Variants in EDEM2 observed in about 807,000 individuals in gnomAD.
EDEM2 encodes ER degradation-enhancing alpha-mannosidase-like protein 2.
EDEM2 carries 39 observed loss-of-function variants against 64.8 expected under a neutral mutation model. The ratio of observed to expected loss-of-function variants is 0.60; its 90% CI spans 0.47 to 0.79. The LOEUF is 0.79. Among genes scored for constraint, EDEM2 ranks in the 30% least tolerant of loss-of-function variants. The pLI is 0.00. For synonymous variants in EDEM2, 296 were observed against 291.5 expected (o/e 1.02, Z -0.16); for missense variants, 609 against 731.3 (o/e 0.83, Z 1.93).
intron 7 of EDEM2, among the ~76,000 whole-genome samples, chr20:35,127,892 T>C (rs940039711): frequency 6.6e-6 from 1 of 152,346 alleles, no homozygotes; most frequent in East Asian, 1.9e-4. Flanking sequence ...AGCCTAAAGA[T>C]ATCACAGCTG....
At chr20:35,143,726 CT>C (rs938168552) in intron 3 of EDEM2, among the ~76,000 whole-genome samples, 3 of 151,708 alleles carry the variant, frequency 2.0e-5, no homozygotes, top group Non-Finnish European at 4.4e-5. Context: ...CAGTCCAAGT[CT>C]TTTTTTTGAG....
chr20:35,136,754 G>GAA (rs11481205), intron 5 of EDEM2, among the ~76,000 whole-genome samples: 1,542 of 102,066 alleles, frequency 0.015, 35 homozygotes, highest in East Asian at 0.083. Context: ...GACCCTGTCT[G>GAA]AAAAAAAAAA....
intron 7 of EDEM2, among the ~76,000 whole-genome samples, chr20:35,128,639 C>A (rs2085468096): frequency 6.7e-6 from 1 of 149,880 alleles, no homozygotes; most frequent in African/African-American, 2.5e-5. Context: ...TATCAATCAT[C>A]TGAGATAACA....
At chr20:35,126,229 C>T in intron 8 of EDEM2, 22 bp downstream of exon 8, 1 of 1,608,254 alleles carries the variant, frequency 6.2e-7, no homozygotes, top group South Asian at 1.1e-5. Context: ...GAAAGATGAT[C>T]ACATTCTTTG....
At chr20:35,130,296 C>T (rs1252180580) in intron 7 of EDEM2, among the ~76,000 whole-genome samples, 1 of 152,030 alleles carries the variant, frequency 6.6e-6, no homozygotes, top group African/African-American at 2.4e-5. Context: ...TCTTGAACTT[C>T]TGGGGTCAAG....
Position 35,146,845 on chromosome 20 carries a change from G to A in EDEM2, c.198C>T (p.Asp66=). 6.2e-7 allele frequency: 1 copy of A among 1,614,048 alleles called. No homozygotes were observed. Among genetic ancestry groups the A allele is most frequent in the Admixed American group, 1.7e-5 (1 of 60,010 alleles). The part of the protein sequence containing the change: ...PFDELRPLTC[D]GHDTWGSFSL... Reference sequence around the variant, plus strand: ...ACTACCTGCCCCAGGTGTCGTGCCCGTCACAGGTGAGAGGTCGCAGCTCAT... The same window carrying A: ...ACTACCTGCCCCAGGTGTCGTGCCCATCACAGGTGAGAGGTCGCAGCTCAT... The change falls in exon 2 of 11, where the codon GAC becomes GAT. Residue 66 remains aspartate (D), a synonymous_variant. Transcript: ENST00000374492.
chr20:35,142,662 A>G (rs1186799056), intron 3 of EDEM2, among the ~76,000 whole-genome samples, 184 bp from the exon 4 acceptor site: 1 of 152,198 alleles, frequency 6.6e-6, no homozygotes, highest in Non-Finnish European at 1.5e-5. Flanking sequence ...CTTCATACCA[A>G]GAGACTGGTT....
intron 3 of EDEM2, 54 bp downstream of exon 3, chr20:35,144,925 A>G: frequency 6.3e-7 from 1 of 1,582,272 alleles, no homozygotes; most frequent in African/African-American, 1.3e-5. Context: ...CCAAAAGAGG[A>G]AGGATGTTGG....
chr20:35,127,989 A>G (rs894561673), intron 7 of EDEM2, among the ~76,000 whole-genome samples: 1 of 152,268 alleles, frequency 6.6e-6, no homozygotes, highest in Non-Finnish European at 1.5e-5. Flanking sequence ...TCATAAAAGT[A>G]TAACACATAC....
At chr20:35,132,354 G>T (rs6060257) in intron 6 of EDEM2, among the ~76,000 whole-genome samples, 23,992 of 151,598 alleles carry the variant, frequency 0.16, 2,290 homozygotes, top group African/African-American at 0.26. Flanking sequence ...TAGAGACTGT[G>T]AAAAATTGGC....
intron 9 of EDEM2, among the ~76,000 whole-genome samples, chr20:35,121,044 G>A (rs539640536): frequency 4.6e-5 from 7 of 152,306 alleles, no homozygotes; most frequent in East Asian, 3.9e-4. Context: ...GTCCCCAACC[G>A]TTTTGGCACC....
chr20:35,129,645 G>C (rs559653028), intron 7 of EDEM2, among the ~76,000 whole-genome samples: 1 of 151,998 alleles, frequency 6.6e-6, no homozygotes, highest in Non-Finnish European at 1.5e-5. Context: ...TAAGTGTACA[G>C]TATTTATAAA....
chr20:35,117,269 G>A (rs17092304), intron 10 of EDEM2: 14,629 of 152,220 alleles, frequency 0.096, 2,378 homozygotes, highest in African/African-American at 0.34. Flanking sequence ...AAGATTACTT[G>A]CTACAAACAT....
At chr20:35,135,927 GC>G (rs2085569979) in intron 5 of EDEM2, among the ~76,000 whole-genome samples, 1 of 152,026 alleles carries the variant, frequency 6.6e-6, no homozygotes, top group Non-Finnish European at 1.5e-5. Flanking sequence ...TTCTCTGCCC[GC>G]CCCACCCAAG....
chr20:35,141,093 C>G (rs7363072), intron 4 of EDEM2, among the ~76,000 whole-genome samples: 1 of 130,866 alleles, frequency 7.6e-6, no homozygotes. Context: ...ACACTCCCGC[C>G]TGGGCGACAG....
At chr20:35,117,273 C>T (rs543347878) in intron 10 of EDEM2, 18 of 152,304 alleles carry the variant, frequency 1.2e-4, no homozygotes, top group African/African-American at 4.3e-4. Flanking sequence ...TTACTTGCTA[C>T]AAACATTTAT....
rs1569175783 is a variant in EDEM2 at position 35,123,919 on chromosome 20, T to TCC, written c.1083_1084dup (p.Glu362GlyfsTer30). The TCC allele has an allele frequency of 6.2e-7, 1 of 1,614,156 alleles. No individual in the cohort carries two copies. Among genetic ancestry groups the TCC allele is most frequent in the Non-Finnish European group, 8.5e-7 (1 of 1,180,020 alleles). Reference sequence around the variant, plus strand: ...CCGAAGTGGGTAGCCCTCTCGCTTCTCCACTGTGTATCCCTGAGGAATGTT... The same window carrying TCC: ...CCGAAGTGGGTAGCCCTCTCGCTTCTCCCCACTGTGTATCCCTGAGGAATGTT... On this transcript the variant is annotated frameshift_variant, in exon 9 of 11. Coordinates refer to ENST00000374492, the MANE Select transcript of EDEM2 (RefSeq NM_018217.3). LOFTEE classifies it high-confidence loss of function.
intron 9 of EDEM2, among the ~76,000 whole-genome samples, chr20:35,121,668 A>G (rs1431584098): frequency 6.6e-6 from 1 of 152,240 alleles, no homozygotes; most frequent in Non-Finnish European, 1.5e-5. Flanking sequence ...GATCAGAGAG[A>G]CATATACGAA....
chr20:35,132,433 C>T (rs998746970), intron 6 of EDEM2, among the ~76,000 whole-genome samples: 3 of 151,848 alleles, frequency 2.0e-5, no homozygotes. Flanking sequence ...GGGGCAAAAT[C>T]ACTGGAGGTC....
Sources: allele counts gnomAD v4.1 joint callset (sites outside exome capture counted in the v4.1 genomes callset), GRCh38; gene constraint gnomAD v4.1.1; transcripts MANE v1.5; gene names NCBI Gene and HGNC (gene_info 2026-07-23, HGNC 2026-07-21).